The following TSC22D1 variants were observed in gnomAD, a reference collection of about 807,000 sequenced individuals.
TSC22D1 encodes the protein TSC22 domain family protein 1.
In TSC22D1, 9 loss-of-function variants were observed where a neutral mutation model predicts 74.2. The observed-to-expected ratio is 0.12, with a 90% confidence interval of 0.07 to 0.21. TSC22D1 has a LOEUF of 0.21. Among genes scored for constraint, TSC22D1 ranks in the 10% least tolerant of loss-of-function variants. TSC22D1 has a pLI of 1.00. For missense variants in TSC22D1, 1,427 were observed against 1,304.7 expected (o/e 1.09, Z -1.44); for synonymous variants, 586 against 492.5 (o/e 1.19, Z -2.51).
intron 1 of TSC22D1, among the ~76,000 whole-genome samples, chr13:44,447,324 A>C (rs1245542343): frequency 6.6e-6 from 1 of 152,172 alleles, no homozygotes; most frequent in Non-Finnish European, 1.5e-5. Flanking sequence ...AAACTAAAAG[A>C]AAAAAGGGAA....
intron 1 of TSC22D1, among the ~76,000 whole-genome samples, chr13:44,520,316 A>G (rs1880250385): frequency 6.6e-6 from 1 of 152,186 alleles, no homozygotes; most frequent in Non-Finnish European, 1.5e-5. Flanking sequence ...GTGAAGAGAG[A>G]ATGTAGTCTA....
At chr13:44,541,797 C>T (rs1303163388) in intron 1 of TSC22D1, among the ~76,000 whole-genome samples, 2 of 151,994 alleles carry the variant, frequency 1.3e-5, no homozygotes, top group African/African-American at 4.8e-5. Context: ...CAAAGCATTC[C>T]ACAGCTGGAG....
chr13:44,450,602 G>A (rs972833450), intron 1 of TSC22D1, among the ~76,000 whole-genome samples: 8 of 152,180 alleles, frequency 5.3e-5, no homozygotes, highest in Middle Eastern at 3.2e-3. Flanking sequence ...TGACCGAACT[G>A]GCTTGTGTGA....
At chr13:44,436,348 T>G in intron 1 of TSC22D1, 1 of 1,105,822 alleles carries the variant, frequency 9.0e-7, no homozygotes, top group Non-Finnish European at 1.3e-6. Context: ...TGGCCAGACT[T>G]GCAAAAATAA....
intron 1 of TSC22D1, among the ~76,000 whole-genome samples, chr13:44,455,848 G>A (rs988844027): frequency 6.6e-6 from 1 of 152,090 alleles, no homozygotes; most frequent in African/African-American, 2.4e-5. Context: ...AATGCATAAG[G>A]ATAGAGTAAA....
intron 1 of TSC22D1, among the ~76,000 whole-genome samples, chr13:44,562,989 C>A (rs747161918): frequency 2.6e-5 from 4 of 151,940 alleles, no homozygotes; most frequent in Middle Eastern, 3.4e-3. Flanking sequence ...CCTGTAATCC[C>A]AGCTACTTGG....
intron 1 of TSC22D1, chr13:44,474,251 C>T: frequency 1.0e-6 from 1 of 985,446 alleles, no homozygotes; most frequent in Non-Finnish European, 1.2e-6. Flanking sequence ...GGAAAAGCTT[C>T]ACGCTACAGA....
chr13:44,528,407 C>A lies in TSC22D1; in HGVS notation c.2912+44756G>T, dbSNP rs1880656905. 2.0e-5 allele frequency among the ~76,000 whole-genome samples: 3 copies of A among 152,086 alleles called. No individual in the cohort carries two copies. The South Asian group carries it at 6.2e-4, about 32-fold the overall frequency. On this transcript the variant is annotated intron_variant, in intron 1 of 2. Coordinates refer to ENST00000458659, the MANE Select transcript of TSC22D1 (RefSeq NM_183422.4). ...AAATATTTACAGATAGTTGCAAACCCACAAAATACTTAGAAATTTAAAAAT... is the reference window on the plus strand; with the variant it reads ...AAATATTTACAGATAGTTGCAAACCAACAAAATACTTAGAAATTTAAAAAT...
rs1874195208 is a variant in TSC22D1 at position 44,433,176 on chromosome 13, G to A, written c.*1450C>T. On this transcript the variant is annotated 3_prime_UTR_variant, in exon 3 of 3. Coordinates refer to ENST00000458659, the MANE Select transcript of TSC22D1 (RefSeq NM_183422.4). ...AGAATAAGGCTCCTTCTTCCTCTCA[G>A]TTCAGTAAAAAATTAAGATTTTCAA... 6.6e-6 allele frequency: 1 copy of A among 152,126 alleles called. No homozygotes were observed. Among genetic ancestry groups the A allele is most frequent in the South Asian group, 2.1e-4 (1 of 4,826 alleles). The allele number at this position is 152,126 out of a possible 1,614,324, so 9.4% of individuals were successfully genotyped here.
At chr13:44,562,134 G>T (rs1883082839) in intron 1 of TSC22D1, among the ~76,000 whole-genome samples, 1 of 152,124 alleles carries the variant, frequency 6.6e-6, no homozygotes, top group African/African-American at 2.4e-5. Flanking sequence ...CCACCTCCCA[G>T]GCTCAATCGA....
In TSC22D1 at chr13:44,521,826, C is replaced by T. The variant is rs538801773; in HGVS notation, c.2912+51337G>A. On this transcript the variant is annotated intron_variant, in intron 1 of 2. Coordinates refer to ENST00000458659, the MANE Select transcript of TSC22D1 (RefSeq NM_183422.4). ...CCAAAACTACAACTTTCTAACAGCA[C>T]TAAAATGGCACTATAATTTACCTAC... is the stretch of plus-strand genomic sequence containing the variant. 2.0e-5 allele frequency among the ~76,000 whole-genome samples: 3 copies of T among 152,292 alleles called. No individual in the cohort carries two copies. In the East Asian group the frequency reaches 5.8e-4, roughly 29 times the overall value.
intron 1 of TSC22D1, among the ~76,000 whole-genome samples, chr13:44,523,278 A>G (rs1880400302): frequency 6.6e-6 from 1 of 152,208 alleles, no homozygotes; most frequent in Non-Finnish European, 1.5e-5. Flanking sequence ...TACATGACTC[A>G]GCAATTGCAC....
rs930050695 is a variant in TSC22D1 at position 44,434,439 on chromosome 13, G to A, written c.*187C>T. The A allele has an allele frequency of 1.9e-3, 2,530 of 1,353,752 alleles. 5 individuals are homozygous for A. The highest frequency in any genetic ancestry group is 2.2e-3 in the Non-Finnish European group (2,357 of 1,060,964). The allele number at this position is 1,353,752 out of a possible 1,614,324, so 83.9% of individuals were successfully genotyped here. A position where few individuals can be genotyped will look rare whatever the true frequency, so the allele number is the denominator to read the frequency against. ...ATTAACCTTTAATTCACCCAACTAA[G>A]AAATTTCTCCAAGCCATAAGCATAT... On this transcript the variant is annotated 3_prime_UTR_variant, in exon 3 of 3. Coordinates refer to ENST00000458659, the MANE Select transcript of TSC22D1 (RefSeq NM_183422.4).
At chr13:44,558,380 G>A (rs555341854) in intron 1 of TSC22D1, among the ~76,000 whole-genome samples, 1 of 152,120 alleles carries the variant, frequency 6.6e-6, no homozygotes, top group Non-Finnish European at 1.5e-5. Context: ...GGTCTCCCAT[G>A]AATTTATTAT....
intron 2 of TSC22D1, chr13:44,435,775 C>G (rs1333387350): frequency 7.9e-6 from 4 of 509,080 alleles, no homozygotes; most frequent in Non-Finnish European, 1.4e-5. Flanking sequence ...CTAATAAATC[C>G]CCAGCAAAAA....
At chr13:44,481,280 G>A (rs1200535979) in intron 1 of TSC22D1, among the ~76,000 whole-genome samples, 2 of 152,212 alleles carry the variant, frequency 1.3e-5, no homozygotes, top group Admixed American at 6.5e-5. Context: ...GAAAAAGCTT[G>A]GGGTGGGAGG....
chr13:44,498,322 AAC>A (rs144734647), intron 1 of TSC22D1, among the ~76,000 whole-genome samples: 1 of 134,578 alleles, frequency 7.4e-6, no homozygotes, highest in African/African-American at 2.7e-5. Flanking sequence ...AAACAAACAA[AAC>A]CAAAAACAAA....
In TSC22D1 at chr13:44,494,666, T is replaced by C. The variant is rs76430111; in HGVS notation, c.2913-58571A>G. On this transcript the variant is annotated intron_variant, in intron 1 of 2. Coordinates refer to ENST00000458659, the MANE Select transcript of TSC22D1 (RefSeq NM_183422.4). The stretch of plus-strand genomic sequence containing the variant: ...AGGGGAAGAATCTGAATTCCAGCAT[T>C]ATCACACATTACAATAATAAAATGT... Among the ~76,000 whole-genome samples the C allele has an allele frequency of 7.0e-3, 1,071 of 152,172 alleles. 14 individuals carry two copies. The highest frequency in any genetic ancestry group is 0.024 in the African/African-American group (995 of 41,516).
At chr13:44,523,071 A>G (rs935256600) in intron 1 of TSC22D1, among the ~76,000 whole-genome samples, 9 of 152,004 alleles carry the variant, frequency 5.9e-5, no homozygotes, top group African/African-American at 1.4e-4. Context: ...TCAACACCCT[A>G]TATCACTAGA....
Sources: gnomAD v4.1 joint callset for allele counts (sites outside exome capture counted in the v4.1 genomes callset) on GRCh38, gnomAD v4.1.1 for gene constraint, MANE v1.5 for transcripts, NCBI Gene and HGNC (gene_info 2026-07-23, HGNC 2026-07-21) for gene names.